TOGARAM2: variants seen among roughly 807,000 people sequenced by gnomAD.
The protein encoded by TOGARAM2 is TOG array regulator of axonemal microtubules 2.
In TOGARAM2, 85 loss-of-function variants were observed where a neutral mutation model predicts 93.3. The observed-to-expected ratio is 0.91, with a 90% confidence interval of 0.76 to 1.09. TOGARAM2 has a LOEUF of 1.09. Ranked by LOEUF, TOGARAM2 falls within the 50% of genes least tolerant of loss-of-function variation. The pLI is 0.00. For missense variants in TOGARAM2, 1,277 were observed against 1,334.5 expected (o/e 0.96, Z 0.67); for synonymous variants, 593 against 552.8 (o/e 1.07, Z -1.02).
At chr2:28,998,596 G>A (rs1297527361) in intron 3 of TOGARAM2, among the ~76,000 whole-genome samples, 14 of 152,152 alleles carry the variant, frequency 9.2e-5, no homozygotes, top group Admixed American at 9.2e-4. Context: ...CTGCAGCCTG[G>A]GTCTCTGGAG....
At chr2:29,050,258 T>G (rs1217758451) in intron 19 of TOGARAM2, 1 of 152,160 alleles carries the variant, frequency 6.6e-6, no homozygotes, top group Non-Finnish European at 1.5e-5. Flanking sequence ...CTGGGGAGGC[T>G]GAGGCAGGAG....
At chr2:29,030,554 C>T (rs1432477719) in intron 14 of TOGARAM2, among the ~76,000 whole-genome samples, 2 of 152,166 alleles carry the variant, frequency 1.3e-5, no homozygotes, top group Non-Finnish European at 2.9e-5. Context: ...CTCTCCAGAT[C>T]TGCTACTCCT....
At chr2:29,011,585 G>A in intron 7 of TOGARAM2, 84 bp downstream of exon 7, 2 of 1,300,484 alleles carry the variant, frequency 1.5e-6, no homozygotes, top group Non-Finnish European at 2.1e-6. Context: ...ATTAGGGCCA[G>A]AGGAGATCTG....
chr2:29,007,743 C>T (rs1012847904), intron 6 of TOGARAM2, among the ~76,000 whole-genome samples: 1 of 152,176 alleles, frequency 6.6e-6, no homozygotes, highest in African/African-American at 2.4e-5. Flanking sequence ...CTTGGCCTGA[C>T]AATCAGGGTC....
rs556335124 is a variant in TOGARAM2, at chr2:28,988,398, C to G, written c.-110-6327C>G. ...TGCCCTTTCTCTCTTCCTGACCTCT[C>G]CCTCTGTAGGACCCTTGGCTCTTCC... On this transcript the variant is annotated intron_variant, in intron 1 of 19. Coordinates refer to ENST00000379558, the MANE Select transcript of TOGARAM2 (RefSeq NM_199280.4). Among the ~76,000 whole-genome samples the G allele has an allele frequency of 7.2e-5, 11 of 152,242 alleles. No homozygotes were observed. In the South Asian group the frequency reaches 1.5e-3, roughly 20 times the overall value.
At chr2:28,993,684 C>CTGGGCTGGGTGA in intron 1 of TOGARAM2, among the ~76,000 whole-genome samples, 1 of 151,998 alleles carries the variant, frequency 6.6e-6, no homozygotes, top group Admixed American at 6.5e-5. Flanking sequence ...TGGGGCCAAG[C>CTGGGCTGGGTGA]TGGGCTGGGT....
intron 8 of TOGARAM2, 120 bp downstream of exon 8, chr2:29,014,681 C>T: frequency 7.7e-7 from 1 of 1,292,718 alleles, no homozygotes; most frequent in Non-Finnish European, 1.0e-6. Flanking sequence ...GCAAGGAGAG[C>T]CCGAGGCAGC....
At chr2:28,998,284 C>G in intron 3 of TOGARAM2, 31 bp downstream of exon 3, 8 of 1,490,144 alleles carry the variant, frequency 5.4e-6, no homozygotes, top group Non-Finnish European at 6.5e-6. Flanking sequence ...CTGGTCAGGG[C>G]CCCTGGCCTC....
At chr2:29,044,224 T>A (rs1666603478) in intron 18 of TOGARAM2, among the ~76,000 whole-genome samples, 2 of 151,872 alleles carry the variant, frequency 1.3e-5, no homozygotes, top group South Asian at 4.1e-4. Flanking sequence ...TTCAAAAAGG[T>A]TTAAAACACC....
chr2:29,035,201 C>G (rs1009148610), intron 16 of TOGARAM2, among the ~76,000 whole-genome samples: 7 of 151,540 alleles, frequency 4.6e-5, no homozygotes, highest in African/African-American at 1.7e-4. Flanking sequence ...TGTGGATAGC[C>G]ACTTCCTCAC....
intron 10 of TOGARAM2, among the ~76,000 whole-genome samples, chr2:29,019,177 C>CT (rs61378143): frequency 0.096 from 11,690 of 121,636 alleles, 726 homozygotes; most frequent in Non-Finnish European, 0.12. Flanking sequence ...CCAACTGACT[C>CT]TTTTTTTTTT....
At chr2:29,035,762 A>T in intron 17 of TOGARAM2, 106 bp downstream of exon 17, 1 of 1,137,678 alleles carries the variant, frequency 8.8e-7, no homozygotes, top group Non-Finnish European at 1.1e-6. Context: ...ACCCCTTGCT[A>T]TGCAGTTGGC....
intron 16 of TOGARAM2, among the ~76,000 whole-genome samples, chr2:29,034,908 T>G (rs1665990192): frequency 6.6e-6 from 1 of 152,120 alleles, no homozygotes; most frequent in Non-Finnish European, 1.5e-5. Flanking sequence ...TTCCAGCACT[T>G]TGGGAGGCCA....
intron 19 of TOGARAM2, chr2:29,049,600 T>C (rs1007527319): frequency 6.6e-6 from 1 of 152,306 alleles, no homozygotes; most frequent in Non-Finnish European, 1.5e-5. Flanking sequence ...ACCCTGGGGC[T>C]GACAGGGACT....
intron 12 of TOGARAM2, among the ~76,000 whole-genome samples, chr2:29,023,611 T>C (rs913882724): frequency 1.3e-5 from 2 of 152,138 alleles, no homozygotes; most frequent in Non-Finnish European, 2.9e-5. Context: ...GTGGAGGCTG[T>C]GCCCTGCCCT....
chr2:28,983,177 A>AATATATATATATATATAT (rs1553334840), intron 1 of TOGARAM2, among the ~76,000 whole-genome samples: 3 of 32,390 alleles, frequency 9.3e-5, no homozygotes, highest in African/African-American at 2.6e-4. Context: ...TGTATATATA[A>AATATATATATATATATAT]ATATATATAT....
intron 4 of TOGARAM2, among the ~76,000 whole-genome samples, chr2:29,000,575 A>G (rs979623011): frequency 1.3e-5 from 2 of 152,224 alleles, no homozygotes; most frequent in African/African-American, 4.8e-5. Flanking sequence ...TTTCAGCGGA[A>G]TGAACTCTTG....
intron 1 of TOGARAM2, chr2:28,972,346 G>T (rs1671961236): frequency 6.6e-6 from 1 of 152,170 alleles, no homozygotes; most frequent in South Asian, 2.1e-4. Flanking sequence ...CAGGCAATCT[G>T]CCCACCTTGG....
chr2:28,973,252 C>G (rs924247747), intron 1 of TOGARAM2, among the ~76,000 whole-genome samples: 1 of 152,224 alleles, frequency 6.6e-6, no homozygotes, highest in Admixed American at 6.5e-5. Context: ...AGCCTGTCCT[C>G]ACCTGCCTGC....
Sources: allele counts gnomAD v4.1 joint callset (sites outside exome capture counted in the v4.1 genomes callset), GRCh38; gene constraint gnomAD v4.1.1; transcripts MANE v1.5; gene names NCBI Gene and HGNC (gene_info 2026-07-23, HGNC 2026-07-21).